Variants in NKAIN2 observed in about 807,000 individuals in gnomAD.
The protein encoded by NKAIN2 is sodium/potassium transporting ATPase interacting 2.
A neutral mutation model predicts 32.6 loss-of-function variants in NKAIN2; 14 were observed. The ratio of observed to expected loss-of-function variants is 0.43; its 90% CI spans 0.28 to 0.67. The LOEUF (loss-of-function observed/expected upper bound fraction) is 0.67, where lower values mean the gene tolerates loss of function less well. Among genes scored for constraint, NKAIN2 ranks in the 30% least tolerant of loss-of-function variants. The probability of loss-of-function intolerance (pLI) is 0.17; values close to 1 mark genes in which losing one functional copy is unlikely to be tolerated. For synonymous variants in NKAIN2, 80 were observed against 87.2 expected (o/e 0.92, Z 0.46); for missense variants, 198 against 258.3 (o/e 0.77, Z 1.60).
At chr6:124,644,432 T>G (rs2114369514) in intron 3 of NKAIN2, among the ~76,000 whole-genome samples, 1 of 151,082 alleles carries the variant, frequency 6.6e-6, no homozygotes, top group African/African-American at 2.4e-5. Flanking sequence ...TGAGACATAG[T>G]CTCGCTCTTT....
At chr6:124,469,570 A>C (rs1348746161) in intron 3 of NKAIN2, among the ~76,000 whole-genome samples, 1 of 152,184 alleles carries the variant, frequency 6.6e-6, no homozygotes, top group Non-Finnish European at 1.5e-5. Flanking sequence ...TTATTTTGCT[A>C]ATGTAAACAA....
intron 4 of NKAIN2, among the ~76,000 whole-genome samples, chr6:124,696,363 T>C (rs564808273): frequency 1.2e-4 from 18 of 152,074 alleles, no homozygotes; most frequent in African/African-American, 4.3e-4. Context: ...AAGTACTCAG[T>C]ATGCCTAAGT....
rs549361032 is a variant in NKAIN2 at position 124,687,120 on chromosome 6, TA to T, written c.474+28736del. On this transcript the variant is annotated intron_variant, in intron 4 of 6. Coordinates refer to ENST00000368417, the MANE Select transcript of NKAIN2 (RefSeq NM_001040214.3). Reference sequence around the variant, plus strand: ...CCTTGTGAACATGTAAGTTAATACTTAATAAGCTCCCTTAAATATATATATA... The same window carrying T: ...CCTTGTGAACATGTAAGTTAATACTTATAAGCTCCCTTAAATATATATATA... Among the ~76,000 whole-genome samples the T allele has an allele frequency of 2.1e-3, 311 of 147,630 alleles. 1 individual carries two copies. The highest frequency in any genetic ancestry group is 7.5e-3 in the African/African-American group (302 of 40,356).
intron 1 of NKAIN2, among the ~76,000 whole-genome samples, chr6:124,275,609 T>C (rs552217370): frequency 1.2e-4 from 18 of 152,228 alleles, no homozygotes; most frequent in South Asian, 4.1e-4. Context: ...AGATTTAATA[T>C]ATGGGGTGTT....
intron 3 of NKAIN2, among the ~76,000 whole-genome samples, chr6:124,638,366 G>A (rs922771389): frequency 6.6e-6 from 1 of 152,138 alleles, no homozygotes; most frequent in African/African-American, 2.4e-5. Context: ...TATTTTATGG[G>A]TAAGACTTCA....
chr6:124,120,131 T>C (rs931218473), intron 1 of NKAIN2, among the ~76,000 whole-genome samples: 81 of 152,246 alleles, frequency 5.3e-4, no homozygotes, highest in African/African-American at 1.9e-3. Flanking sequence ...ACAGTTTCAG[T>C]TTCCAAGATA....
chr6:124,151,760 CTTTTT>C (rs1787736740), intron 1 of NKAIN2, among the ~76,000 whole-genome samples: 1 of 151,844 alleles, frequency 6.6e-6, no homozygotes, highest in African/African-American at 2.4e-5. Context: ...GATGTAAGTG[CTTTTT>C]AATATGCTTA....
intron 1 of NKAIN2, among the ~76,000 whole-genome samples, chr6:123,878,187 T>C (rs9375290): frequency 0.047 from 7,115 of 151,926 alleles, 409 homozygotes; most frequent in African/African-American, 0.14. Flanking sequence ...GATTGCACCA[T>C]TGCAGTCCAC....
intron 1 of NKAIN2, among the ~76,000 whole-genome samples, chr6:123,871,559 CTT>C (rs1481757645): frequency 6.6e-6 from 1 of 152,078 alleles, no homozygotes; most frequent in African/African-American, 2.4e-5. Flanking sequence ...GCTTTATTCT[CTT>C]GTTTTAATAG....
chr6:124,650,980 G>GTT (rs1784348040), intron 3 of NKAIN2, among the ~76,000 whole-genome samples: 2 of 152,104 alleles, frequency 1.3e-5, no homozygotes, highest in South Asian at 4.1e-4. Context: ...ATCAAAACAA[G>GTT]TTATCTATTT....
chr6:124,684,575 C>T (rs973983800), intron 4 of NKAIN2, among the ~76,000 whole-genome samples: 1 of 152,276 alleles, frequency 6.6e-6, no homozygotes, highest in South Asian at 2.1e-4. Flanking sequence ...AGAGAAGTCT[C>T]ATAAAACATA....
Position 124,520,273 on chromosome 6 carries a change from T to A in NKAIN2, c.274-137913T>A, listed in dbSNP as rs186042317. On this transcript the variant is annotated intron_variant, in intron 3 of 6. Transcript: ENST00000368417. ...CCCCTTCTTACTTTTGTTTGTTTTT[T>A]CTCAGTGATGCGTGTGATCCTGTTA... is the stretch of plus-strand genomic sequence containing the variant. Among the ~76,000 whole-genome samples, 294 of 152,322 alleles carry A rather than the reference T, an allele frequency of 1.9e-3. 1 individual carries two copies. The highest frequency in any genetic ancestry group is 6.8e-3 in the African/African-American group (281 of 41,582).
chr6:124,739,008 C>T (rs1777078434), intron 4 of NKAIN2, among the ~76,000 whole-genome samples: 2 of 151,906 alleles, frequency 1.3e-5, no homozygotes, highest in South Asian at 2.1e-4. Context: ...AATATATTCT[C>T]TTAAAGTTTT....
intron 3 of NKAIN2, among the ~76,000 whole-genome samples, chr6:124,490,754 A>G (rs1374010862): frequency 2.0e-5 from 3 of 151,790 alleles, no homozygotes; most frequent in Non-Finnish European, 4.4e-5. Context: ...TATTTAGTAA[A>G]AGAGAACACA....
intron 1 of NKAIN2, among the ~76,000 whole-genome samples, chr6:124,216,422 C>A (rs770384509): frequency 2.2e-4 from 33 of 152,160 alleles, no homozygotes; most frequent in Non-Finnish European, 3.4e-4. Context: ...TGCAGGCATT[C>A]ACAGACATGT....
chr6:124,123,996 G>C (rs1472367575), intron 1 of NKAIN2, among the ~76,000 whole-genome samples: 1 of 130,530 alleles, frequency 7.7e-6, no homozygotes, highest in African/African-American at 3.0e-5. Context: ...TAGGATGAGT[G>C]ATCACAGTCT....
intron 3 of NKAIN2, among the ~76,000 whole-genome samples, chr6:124,421,785 T>C (rs934741645): frequency 3.3e-5 from 5 of 152,180 alleles, no homozygotes; most frequent in African/African-American, 1.2e-4. Context: ...ATTTTCAAAT[T>C]GACTCACATT....
At chr6:124,311,924 C>A (rs1236364187) in intron 2 of NKAIN2, among the ~76,000 whole-genome samples, 2 of 152,092 alleles carry the variant, frequency 1.3e-5, no homozygotes, top group Non-Finnish European at 2.9e-5. Flanking sequence ...ATGTACTCTC[C>A]TTTACTCCCA....
intron 4 of NKAIN2, among the ~76,000 whole-genome samples, chr6:124,725,429 G>C (rs971625290): frequency 6.6e-6 from 1 of 152,020 alleles, no homozygotes; most frequent in African/African-American, 2.4e-5. Flanking sequence ...AAGTCTTTGA[G>C]TTATTTGGGC....
Sources: gnomAD v4.1 joint callset for allele counts (sites outside exome capture counted in the v4.1 genomes callset) on GRCh38, gnomAD v4.1.1 for gene constraint, MANE v1.5 for transcripts, NCBI Gene and HGNC (gene_info 2026-07-23, HGNC 2026-07-21) for gene names.